ZNF107: variants seen among roughly 807,000 people sequenced by gnomAD.
ZNF107 encodes zinc finger protein 107.
A neutral mutation model predicts 12.3 loss-of-function variants in ZNF107; 19 were observed. The observed-to-expected ratio is 1.55, with a 90% CI of 1.08 to 2.27. The LOEUF (loss-of-function observed/expected upper bound fraction) is 2.27. ZNF107 is among the 30% of genes most tolerant of loss of function. The pLI is 0.00. For synonymous variants in ZNF107, 317 were observed against 330.5 expected (o/e 0.96, Z 0.44); for missense variants, 958 against 979.9 (o/e 0.98, Z 0.30).
At position 64,685,788 on chromosome 7, in the gene ZNF107, T is replaced by G. The variant is rs1789883311; in HGVS notation, c.4-5460T>G. On this transcript the variant is annotated intron_variant, in intron 1 of 3. Coordinates refer to ENST00000620827, the MANE Select transcript of ZNF107 (RefSeq NM_001282359.2). Reference sequence around the variant, plus strand: ...CTTCAACCTATGTCTGCCTCACCACTAACTGGACAAGCACCTGTACCCTAA... The same window carrying G: ...CTTCAACCTATGTCTGCCTCACCACGAACTGGACAAGCACCTGTACCCTAA... 2.0e-5 allele frequency among the ~76,000 whole-genome samples: 3 copies of G among 152,134 alleles called. No individual in the cohort carries two copies. In the South Asian group the frequency reaches 6.2e-4, roughly 32 times the overall value.
At chr7:64,668,403 G>A (rs1789090832) in intron 1 of ZNF107, among the ~76,000 whole-genome samples, 1 of 145,426 alleles carries the variant, frequency 6.9e-6, no homozygotes, top group Admixed American at 7.2e-5. Flanking sequence ...GAGAACATGC[G>A]GTGTTTGGTT....
rs1790780690 is a variant in ZNF107, at chr7:64,708,603, A to G, written c.2506A>G (p.Lys836Glu). 6.2e-7 allele frequency: 1 copy of G among 1,611,350 alleles called. No homozygotes were observed. Among genetic ancestry groups the G allele is most frequent in the African/African-American group, 1.3e-5 (1 of 74,668 alleles). ...FNLSSNLTTH[K>E]KIHTGEKPYK... ...CCTATCCTCAAATCTTACTACACAT[A>G]AGAAAATTCATACTGGAGAGAAACC... The change falls in exon 4 of 4, where the codon AAG becomes GAG. Residue 836 changes from lysine (K) to glutamate (E), a missense_variant. Physicochemically the swap from Lys to Glu is moderately conservative, Grantham distance 56 (BLOSUM62 1). Transcript: ENST00000620827.
intron 3 of ZNF107, among the ~76,000 whole-genome samples, chr7:64,694,502 C>CT (rs1200472895): frequency 5.5e-5 from 7 of 127,790 alleles, no homozygotes; most frequent in Middle Eastern, 3.7e-3. Context: ...TTTCTTTTTT[C>CT]TTTTTTTTTG....
chr7:64,670,231 T>C (rs1789169914), intron 1 of ZNF107, among the ~76,000 whole-genome samples: 1 of 151,866 alleles, frequency 6.6e-6, no homozygotes, highest in African/African-American at 2.4e-5. Flanking sequence ...CAGAAGGAAA[T>C]ACCAACTAAA....
Position 64,709,232 on chromosome 7 carries a change from G to A in ZNF107, c.*576G>A, listed in dbSNP as rs922394537. 2.6e-6 allele frequency: 1 copy of A among 390,230 alleles called. No homozygotes were observed. Among genetic ancestry groups the A allele is most frequent in the Non-Finnish European group, 5.1e-6 (1 of 196,360 alleles). 24.2% of individuals were successfully genotyped at this position (390,230 alleles called of 1,614,324 possible). A position where few individuals can be genotyped will look rare whatever the true frequency, so the allele number is the denominator to read the frequency against. Reference sequence around the variant, plus strand: ...CTACAAATGTGAAGTCTGTGGCAAAGCTTTTAACTGATTCTCAACTCTTAC... The same window carrying A: ...CTACAAATGTGAAGTCTGTGGCAAAACTTTTAACTGATTCTCAACTCTTAC... On this transcript the variant is annotated 3_prime_UTR_variant, in exon 4 of 4. Transcript: ENST00000620827.
intron 3 of ZNF107, among the ~76,000 whole-genome samples, chr7:64,699,791 G>A (rs1019366901): frequency 3.3e-5 from 5 of 151,950 alleles, no homozygotes; most frequent in African/African-American, 1.2e-4. Context: ...ATTCTCGGCC[G>A]GGCGTGGTGG....
chr7:64,682,523 G>A (rs1172425800), intron 1 of ZNF107, among the ~76,000 whole-genome samples: 1 of 152,006 alleles, frequency 6.6e-6, no homozygotes, highest in Non-Finnish European at 1.5e-5. Flanking sequence ...GGCGTTCCTC[G>A]ACTCCACCCA....
chr7:64,704,014 TA>T (rs35471155), intron 3 of ZNF107, among the ~76,000 whole-genome samples: 3,999 of 149,982 alleles, frequency 0.027, 95 homozygotes, highest in East Asian at 0.077. Context: ...TATAATCTAG[TA>T]AAAAAAAAAT....
chr7:64,710,298 G>A lies in ZNF107; in HGVS notation c.*1642G>A, dbSNP rs1209049102. On this transcript the variant is annotated 3_prime_UTR_variant, in exon 4 of 4. Transcript: ENST00000620827. The stretch of plus-strand genomic sequence containing the variant: ...GTTCAACACCAGAAAATTTATATTG[G>A]AGAAAAGCACTGTAAATGTAATGCA... 1 of 152,222 alleles carries A rather than the reference G, an allele frequency of 6.6e-6. No homozygotes were observed. The highest frequency in any genetic ancestry group is 2.1e-4 in the South Asian group (1 of 4,822). The allele number at this position is 152,222 out of a possible 1,614,324, so 9.4% of individuals were successfully genotyped here.
intron 3 of ZNF107, among the ~76,000 whole-genome samples, chr7:64,705,977 A>T (rs1233985929): frequency 6.6e-6 from 1 of 152,000 alleles, no homozygotes; most frequent in East Asian, 1.9e-4. Flanking sequence ...TTAAAAAAAA[A>T]AACACTAAGA....
intron 1 of ZNF107, among the ~76,000 whole-genome samples, chr7:64,676,399 A>C (rs1459824058): frequency 6.6e-6 from 1 of 152,230 alleles, no homozygotes; most frequent in Non-Finnish European, 1.5e-5. Context: ...CTATTTGGTC[A>C]AGTGTTACAT....
chr7:64,671,286 C>T (rs1372050487), intron 1 of ZNF107, among the ~76,000 whole-genome samples: 3 of 152,124 alleles, frequency 2.0e-5, no homozygotes, highest in Admixed American at 1.3e-4. Context: ...CCAGAATTTC[C>T]ACCCACTCAC....
intron 1 of ZNF107, among the ~76,000 whole-genome samples, chr7:64,679,969 C>T (rs73361894): frequency 0.38 from 57,083 of 151,820 alleles, 11,329 homozygotes; most frequent in South Asian, 0.52. Context: ...CTGGCGACAG[C>T]GAGTCCTTCT....
chr7:64,666,370 T>TCCAAAGTCCGCGGCCCC lies in ZNF107; in HGVS notation c.3+86_3+102dup, dbSNP rs1025363865. On this transcript the variant is annotated intron_variant, in intron 1 of 3. Transcript: ENST00000620827. ...AAGTGGCTGTGGCTGGACTCGGGCC[T>TCCAAAGTCCGCGGCCCC]CCAAAGTCCGCGGCCCCAAGTTCTC... 44 of 1,546,990 alleles carry TCCAAAGTCCGCGGCCCC rather than the reference T, an allele frequency of 2.8e-5. No homozygotes were observed. In the African/African-American group the frequency reaches 6.0e-4, roughly 21 times the overall value.
intron 1 of ZNF107, among the ~76,000 whole-genome samples, chr7:64,677,851 CAAAAAAAA>C (rs36080718): frequency 5.1e-5 from 4 of 77,948 alleles, no homozygotes; most frequent in Admixed American, 3.3e-4. Context: ...GACTCTGTCT[CAAAAAAAA>C]AAAAAAAAAA....
At chr7:64,668,997 ATTTTTTTTTTTTTTTTTTT>A (rs55942111) in intron 1 of ZNF107, 28 of 57,596 alleles carry the variant, frequency 4.9e-4, no homozygotes, top group African/African-American at 1.5e-3. Flanking sequence ...GATAACGCTA[ATTTTTTTTTTTTTTTTTTT>A]TTTTTTTTTT....
intron 1 of ZNF107, among the ~76,000 whole-genome samples, chr7:64,676,584 A>G (rs1789421458): frequency 6.6e-6 from 1 of 152,338 alleles, no homozygotes; most frequent in Admixed American, 6.5e-5. Flanking sequence ...CTCCAAACTC[A>G]TTAAGCCAAA....
At chr7:64,693,488 C>T (rs569987947) in intron 3 of ZNF107, among the ~76,000 whole-genome samples, 1 of 152,006 alleles carries the variant, frequency 6.6e-6, no homozygotes, top group African/African-American at 2.4e-5. Flanking sequence ...TTTTGTTGAG[C>T]CCCCAGGTGA....
intron 1 of ZNF107, among the ~76,000 whole-genome samples, chr7:64,668,088 A>G (rs1189296074): frequency 6.6e-6 from 1 of 152,042 alleles, no homozygotes; most frequent in African/African-American, 2.4e-5. Context: ...AATGAGCAGG[A>G]TGGGGTAGGA....
Sources: allele counts gnomAD v4.1 joint callset (sites outside exome capture counted in the v4.1 genomes callset), GRCh38; gene constraint gnomAD v4.1.1; transcripts MANE v1.5; gene names NCBI Gene and HGNC (gene_info 2026-07-23, HGNC 2026-07-21).